BOP1: variants seen among roughly 807,000 people sequenced by gnomAD.
The protein encoded by BOP1 is BOP1 ribosomal biogenesis factor.
A neutral mutation model predicts 82.9 loss-of-function variants in BOP1; 54 were observed. The ratio of observed to expected loss-of-function variants is 0.65; its 90% confidence interval spans 0.52 to 0.82. The LOEUF (loss-of-function observed/expected upper bound fraction) is 0.82. Among genes scored for constraint, BOP1 ranks in the 40% least tolerant of loss-of-function variants. BOP1 has a pLI of 0.00. For missense variants in BOP1, 1,170 were observed against 1,072.0 expected, an observed-to-expected ratio of 1.09 and a Z score of -1.28; for synonymous variants, 566 against 451.1, an observed-to-expected ratio of 1.25 and a Z score of -3.23.
intron 3 of BOP1, chr8:144,268,274 G>T: frequency 7.4e-7 from 1 of 1,358,402 alleles, no homozygotes; most frequent in Non-Finnish European, 1.0e-6. Flanking sequence ...GCCAGCCCTG[G>T]CTGCGAGCGG....
At position 144,264,389 on chromosome 8, in the gene BOP1, G is replaced by A. The variant is rs1052882313; in HGVS notation, c.814C>T (p.Arg272Trp). The change falls in exon 7 of 16, where the codon CGG becomes TGG. Residue 272 changes from arginine to tryptophan, a missense_variant. By Grantham distance (101) the Arg-to-Trp change is moderately radical (BLOSUM62 -3). Transcript: ENST00000569669. ...AAGCTGGGGGTGGGGTCTCGGGGCC[G>A]GCGAGGCTGGATCCAGCCCATCTTG... ...AIKMGWIQPR[R>W]PRDPTPSFYD... is the part of the protein sequence containing the mutation. 17 of 1,602,444 alleles carry A rather than the reference G, an allele frequency of 1.1e-5. No individual in the cohort carries two copies. The highest frequency in any genetic ancestry group is 6.7e-5 in the Admixed American group (4 of 59,982).
At chr8:144,267,516 G>A (rs1450345648) in intron 3 of BOP1, among the ~76,000 whole-genome samples, 1 of 152,272 alleles carries the variant, frequency 6.6e-6, no homozygotes, top group Non-Finnish European at 1.5e-5. Flanking sequence ...AAGTTGAAAG[G>A]CGGAGTGAAA....
chr8:144,290,726 TCAA>T (rs1259606254), intron 1 of BOP1, among the ~76,000 whole-genome samples: 2 of 152,162 alleles, frequency 1.3e-5, no homozygotes, highest in Non-Finnish European at 2.9e-5. Flanking sequence ...TGGGGCAGTT[TCAA>T]CAACCCAGCG....
chr8:144,286,489 C>T (rs1412944890), intron 2 of BOP1, among the ~76,000 whole-genome samples: 8 of 122,196 alleles, frequency 6.5e-5, no homozygotes, highest in South Asian at 3.0e-4. Context: ...GGCCTCGGCC[C>T]CTCAGCTAAA....
rs908585250 is a variant in BOP1, at chr8:144,264,323, C to T, written c.880G>A (p.Gly294Arg). The change falls in exon 7 of 16, where the codon GGG becomes AGG. Residue 294 changes from glycine to arginine, a missense_variant. Coordinates refer to ENST00000569669, the MANE Select transcript of BOP1 (RefSeq NM_015201.5). ...GCAGGTACGTGCATCTTGTGGCGCC[C>T]GAGCACGGCGTTGGGGTCCTCCTGG... is the stretch of plus-strand genomic sequence containing the variant. ...WAQEDPNAVL[G>R]RHKMHVPAPK... 4.1e-4 allele frequency: 663 copies of T among 1,609,940 alleles called. 6 individuals carry two copies. The South Asian group carries it at 6.0e-3, about 15-fold the overall frequency.
At chr8:144,274,954 C>A (rs1235167192) in intron 3 of BOP1, among the ~76,000 whole-genome samples, 1 of 152,188 alleles carries the variant, frequency 6.6e-6, no homozygotes, top group African/African-American at 2.4e-5. Context: ...GCGGCGTGGC[C>A]CCCCCGCTCT....
chr8:144,281,059 C>G (rs200974595), intron 2 of BOP1, among the ~76,000 whole-genome samples: 22 of 149,942 alleles, frequency 1.5e-4, no homozygotes, highest in East Asian at 3.9e-4. Flanking sequence ...CCTTCTCTCA[C>G]TTTCATACCA....
At position 144,287,524 on chromosome 8, in the gene BOP1, C is replaced by T. The variant is rs116714677; in HGVS notation, c.309+1571G>A. 3.6e-3 allele frequency among the ~76,000 whole-genome samples: 542 copies of T among 150,546 alleles called. 5 individuals carry two copies. The highest frequency in any genetic ancestry group is 0.013 in the African/African-American group (523 of 40,968). On this transcript the variant is annotated intron_variant, in intron 2 of 15. Transcript: ENST00000569669. ...TTTATCTCATAATTTTTTTTTGAAA[C>T]AGGGTCTTGCTTGTCACCCAGGCTG...
Position 144,291,345 on chromosome 8 carries a change from C to A in BOP1, c.26G>T (p.Arg9Leu). MAGSRGAG[R>L]TAAPSVRPEK... ...CGGCCGCACGCTCGGCGCCGCCGTG[C>A]GCCCCGCACCCCGCGAACCCGCCAT... The change falls in exon 1 of 16, where the codon CGC becomes CTC. Residue 9 changes from arginine to leucine, a missense_variant. Coordinates refer to ENST00000569669, the MANE Select transcript of BOP1 (RefSeq NM_015201.5). The surrounding 1 kb of genome is among the most constrained non-coding windows in gnomAD (Gnocchi z 4.1). 1 of 1,387,024 alleles carries A rather than the reference C, an allele frequency of 7.2e-7. No individual in the cohort carries two copies. The highest frequency in any genetic ancestry group is 9.4e-7 in the Non-Finnish European group (1 of 1,065,370). 85.9% of individuals were successfully genotyped at this position (1,387,024 alleles called of 1,614,324 possible).
chr8:144,287,167 G>A (rs1184285811), intron 2 of BOP1, among the ~76,000 whole-genome samples: 19 of 152,086 alleles, frequency 1.2e-4, no homozygotes, highest in Admixed American at 5.2e-4. Flanking sequence ...GCGCCACCAC[G>A]CCCAGCTAAT....
intron 3 of BOP1, among the ~76,000 whole-genome samples, chr8:144,268,754 G>A (rs1845439506): frequency 6.6e-6 from 1 of 152,152 alleles, no homozygotes; most frequent in Non-Finnish European, 1.5e-5. Flanking sequence ...CTGCGTGGCA[G>A]AAGATGGGGA....
At chr8:144,276,363 G>C in intron 2 of BOP1, 59 bp from the exon 3 acceptor site, 1 of 1,587,878 alleles carries the variant, frequency 6.3e-7, no homozygotes. Context: ...TTTGACCTTG[G>C]GGGGATCCCA....
chr8:144,277,634 A>T (rs1170668343), intron 2 of BOP1, among the ~76,000 whole-genome samples: 1 of 152,262 alleles, frequency 6.6e-6, no homozygotes, highest in Non-Finnish European at 1.5e-5. Flanking sequence ...CCTGTGCTGG[A>T]TGTGGACAGG....
chr8:144,275,519 G>A (rs1039763017), intron 3 of BOP1, among the ~76,000 whole-genome samples: 1 of 51,704 alleles, frequency 1.9e-5, no homozygotes, highest in Non-Finnish European at 4.2e-5. Flanking sequence ...AGCCCAGCCC[G>A]GTGCCAGCCT....
At chr8:144,286,594 G>A (rs1222855177) in intron 2 of BOP1, among the ~76,000 whole-genome samples, 1 of 146,030 alleles carries the variant, frequency 6.8e-6, no homozygotes, top group African/African-American at 2.5e-5. Context: ...ATGCACGGGC[G>A]CCATGGCAGG....
In BOP1 at chr8:144,264,586, T is replaced by C. The variant is rs1845313473; in HGVS notation, c.694A>G (p.Met232Val). The change falls in exon 6 of 16, where the codon ATG (methionine) becomes GTG (valine). Residue 232 changes from methionine to valine, a missense_variant. By Grantham distance (21) the Met-to-Val change is conservative. Transcript: ENST00000569669. Reference sequence around the variant, plus strand: ...GGGCGGTTGGTCACCGGGTGGATCATGACGTCCCCGCTGAAGAAGTCGACA... The same window carrying C: ...GGGCGGTTGGTCACCGGGTGGATCACGACGTCCCCGCTGAAGAAGTCGACA... ...PAVDFFSGDV[M>V]IHPVTNRPAD... The C allele has an allele frequency of 3.1e-6, 5 of 1,607,494 alleles. No homozygotes were observed. The highest frequency in any genetic ancestry group is 4.2e-6 in the Non-Finnish European group (5 of 1,177,588).
intron 2 of BOP1, 23 bp downstream of exon 2, chr8:144,289,072 G>C (rs370442661): frequency 1.2e-6 from 2 of 1,613,054 alleles, no homozygotes; most frequent in Non-Finnish European, 1.7e-6. Context: ...GACAGCCCTC[G>C]AGGGGGCTCC....
chr8:144,264,578 G>A lies in BOP1; in HGVS notation c.702C>T (p.His234=). ...VDFFSGDVMI[H]PVTNRPADKR... Reference sequence around the variant, plus strand: ...TGTCGGCCGGGCGGTTGGTCACCGGGTGGATCATGACGTCCCCGCTGAAGA... The same window carrying A: ...TGTCGGCCGGGCGGTTGGTCACCGGATGGATCATGACGTCCCCGCTGAAGA... Residue 234 remains histidine, a synonymous_variant, in exon 6 of 16, where the codon CAC becomes CAT. Transcript: ENST00000569669. 6.2e-7 allele frequency: 1 copy of A among 1,608,832 alleles called. No individual in the cohort carries two copies. Among genetic ancestry groups the A allele is most frequent in the South Asian group, 1.1e-5 (1 of 90,404 alleles).
At chr8:144,272,094 T>A (rs1845501380) in intron 3 of BOP1, among the ~76,000 whole-genome samples, 1 of 152,010 alleles carries the variant, frequency 6.6e-6, no homozygotes, top group African/African-American at 2.4e-5. Context: ...GCCTGGCATC[T>A]CATAAGCAGG....
Sources: allele counts gnomAD v4.1 joint callset (sites outside exome capture counted in the v4.1 genomes callset), GRCh38; gene constraint gnomAD v4.1.1; non-coding constraint Gnocchi (gnomAD v3.1); transcripts MANE v1.5; gene names NCBI Gene and HGNC (gene_info 2026-07-23, HGNC 2026-07-21).